Variants in ADCY10 observed in about 807,000 individuals in gnomAD.
The protein encoded by ADCY10 is adenylate cyclase type 10.
A neutral mutation model predicts 183.3 loss-of-function variants in ADCY10; 156 were observed. The observed-to-expected ratio is 0.85, with a 90% CI of 0.75 to 0.97. The LOEUF is 0.97. Ranked by LOEUF, ADCY10 falls within the 50% of genes least tolerant of loss-of-function variation. The pLI, the probability that ADCY10 is intolerant of heterozygous loss-of-function variation, is 0.00. For synonymous variants in ADCY10, 645 were observed against 670.0 expected, an observed-to-expected ratio of 0.96 and a Z score of 0.58; for missense variants, 1,745 against 1,934.3, an observed-to-expected ratio of 0.90 and a Z score of 1.84.
intron 8 of ADCY10, among the ~76,000 whole-genome samples, chr1:167,892,617 T>TA (rs1210312384): frequency 6.6e-6 from 1 of 152,170 alleles, no homozygotes; most frequent in Non-Finnish European, 1.5e-5. Context: ...GTGACTTTTT[T>TA]AAGCTTCAAA....
At chr1:167,898,498 G>A (rs1405952039) in intron 6 of ADCY10, among the ~76,000 whole-genome samples, 1 of 152,054 alleles carries the variant, frequency 6.6e-6, no homozygotes, top group African/African-American at 2.4e-5. Flanking sequence ...GACTCGGAAG[G>A]TTGAGGCAGG....
intron 21 of ADCY10, among the ~76,000 whole-genome samples, chr1:167,841,655 T>C (rs1664654723): frequency 6.6e-6 from 1 of 152,020 alleles, no homozygotes; most frequent in Admixed American, 6.6e-5. Flanking sequence ...CCATCGCACC[T>C]GGCTAATTCT....
chr1:167,835,063 A>C (rs1664092729), intron 23 of ADCY10, among the ~76,000 whole-genome samples: 1 of 152,202 alleles, frequency 6.6e-6, no homozygotes, highest in South Asian at 2.1e-4. Flanking sequence ...AATCTAAGGT[A>C]GGAGGGTTGA....
chr1:167,847,669 G>A (rs920705274), intron 19 of ADCY10, among the ~76,000 whole-genome samples: 2 of 152,038 alleles, frequency 1.3e-5, no homozygotes, highest in Non-Finnish European at 2.9e-5. Context: ...TGATCCACCC[G>A]ACTTGGCCTC....
chr1:167,826,589 T>C lies in ADCY10; in HGVS notation c.3751-1734A>G, dbSNP rs1333886457. Among the ~76,000 whole-genome samples, 6 of 152,332 alleles carry C rather than the reference T, an allele frequency of 3.9e-5. No individual in the cohort carries two copies. In the East Asian group the frequency reaches 1.2e-3, roughly 29 times the overall value. On this transcript the variant is annotated intron_variant, in intron 26 of 32. Transcript: ENST00000367851. ...CAACTCTACCACAATTCTTAGGATA[T>C]AGCTCCAAGTGTGGAGAAGTATTTC...
At chr1:167,877,340 A>G (rs1192825823) in intron 12 of ADCY10, among the ~76,000 whole-genome samples, 1 of 151,560 alleles carries the variant, frequency 6.6e-6, no homozygotes, top group East Asian at 1.9e-4. Flanking sequence ...CATGTATTCA[A>G]ACTGCACTTT....
rs1043243500 is a variant in ADCY10 at position 167,824,515 on chromosome 1, G to A, written c.4013C>T (p.Ser1338Phe). The change falls in exon 28 of 33, where the codon TCC becomes TTC. Residue 1338 changes from serine to phenylalanine, a missense_variant. Transcript: ENST00000367851. ...LLQNPNRHYQSLCRLSRCLLL... is the reference protein window; with the variant it reads ...LLQNPNRHYQFLCRLSRCLLL... ...GAGACATCTGCTAAGTCTGCAGAGG[G>A]ACTGATAATGTCGGTTGGGATTCTG... 2 of 1,614,158 alleles carry A rather than the reference G, an allele frequency of 1.2e-6. No homozygotes were observed. Among genetic ancestry groups the A allele is most frequent in the South Asian group, 2.2e-5 (2 of 91,054 alleles).
intron 21 of ADCY10, 144 bp downstream of exon 21, chr1:167,845,419 C>T (rs1664931729): frequency 1.2e-6 from 1 of 806,036 alleles, no homozygotes; most frequent in Admixed American, 2.3e-5. Context: ...CCCCATTGGC[C>T]TAGGCTGCTG....
At chr1:167,890,845 C>T (rs1385800355) in intron 8 of ADCY10, among the ~76,000 whole-genome samples, 1 of 152,182 alleles carries the variant, frequency 6.6e-6, no homozygotes, top group Admixed American at 6.5e-5. Context: ...CCCCATTTTA[C>T]CGATTAGATA....
chr1:167,813,987 A>T (rs1385322778), intron 31 of ADCY10, among the ~76,000 whole-genome samples: 5 of 152,142 alleles, frequency 3.3e-5, no homozygotes. Context: ...ATATATACAA[A>T]AGAAAATGGG....
chr1:167,880,162 A>T lies in ADCY10; in HGVS notation c.1169T>A (p.Ile390Asn). Residue 390 changes from isoleucine to asparagine, a missense_variant, in exon 11 of 33, where the codon ATT becomes AAT. By Grantham distance (149) the Ile-to-Asn change is moderately radical. Transcript: ENST00000367851. ...QTVSIGVASG[I>N]VFCGIVGHTV... ...GTGTCCAACGATCCCACAGAAGACA[A>T]TCCCACTGGCAACACCGATGGATAC... 6.2e-7 allele frequency: 1 copy of T among 1,613,612 alleles called. No individual in the cohort carries two copies. The highest frequency in any genetic ancestry group is 8.5e-7 in the Non-Finnish European group (1 of 1,179,872).
At chr1:167,863,689 G>T (rs1035881707) in intron 14 of ADCY10, among the ~76,000 whole-genome samples, 8 of 152,206 alleles carry the variant, frequency 5.3e-5, no homozygotes, top group African/African-American at 1.9e-4. Context: ...CAGCCAGAGT[G>T]ACGCGGATCC....
At chr1:167,831,282 C>T (rs996674728) in intron 25 of ADCY10, among the ~76,000 whole-genome samples, 4 of 152,234 alleles carry the variant, frequency 2.6e-5, no homozygotes, top group African/African-American at 9.6e-5. Flanking sequence ...CTCCACCTCC[C>T]TGGTTCAAGC....
intron 21 of ADCY10, 27 bp downstream of exon 21, chr1:167,845,536 G>A (rs758684782): frequency 2.5e-6 from 4 of 1,611,240 alleles, no homozygotes; most frequent in Non-Finnish European, 3.4e-6. Context: ...AGAACAGTTA[G>A]GATAATTTTA....
chr1:167,862,160 G>C (rs753335522), intron 14 of ADCY10, among the ~76,000 whole-genome samples: 1 of 152,152 alleles, frequency 6.6e-6, no homozygotes, highest in Non-Finnish European at 1.5e-5. Flanking sequence ...AGACTTTATT[G>C]ATATTCAGGG....
chr1:167,863,990 C>T (rs1666487255), intron 14 of ADCY10, among the ~76,000 whole-genome samples: 1 of 152,186 alleles, frequency 6.6e-6, no homozygotes. Flanking sequence ...ACTCCATTCC[C>T]ACTCCATTTG....
At chr1:167,868,724 GA>G (rs1210867516) in intron 14 of ADCY10, among the ~76,000 whole-genome samples, 1 of 152,156 alleles carries the variant, frequency 6.6e-6, no homozygotes, top group African/African-American at 2.4e-5. Flanking sequence ...TGCTTTCCGC[GA>G]AAAGCGAAAC....
chr1:167,875,250 G>T, intron 12 of ADCY10, 64 bp from the exon 13 acceptor site: 1 of 1,516,152 alleles, frequency 6.6e-7, no homozygotes, highest in Non-Finnish European at 9.2e-7. Context: ...GAGCAAGAGT[G>T]ATTAGTTCTT....
chr1:167,865,537 T>C (rs1453240597), intron 14 of ADCY10, among the ~76,000 whole-genome samples: 1 of 152,228 alleles, frequency 6.6e-6, no homozygotes, highest in Non-Finnish European at 1.5e-5. Context: ...AACACACTAA[T>C]ATAAAGGTAA....
Sources: gnomAD v4.1 joint callset for allele counts (sites outside exome capture counted in the v4.1 genomes callset) on GRCh38, gnomAD v4.1.1 for gene constraint, MANE v1.5 for transcripts, NCBI Gene and HGNC (gene_info 2026-07-23, HGNC 2026-07-21) for gene names.